Variants in TBC1D4 observed in about 807,000 individuals in gnomAD.
TBC1D4 encodes TBC (Tre-2, BUB2, CDC16) domain-containing protein.
A neutral mutation model predicts 142.5 loss-of-function variants in TBC1D4; 121 were observed. That is an observed-to-expected ratio of 0.85 (90% CI 0.73 to 0.99). The LOEUF (loss-of-function observed/expected upper bound fraction) is 0.99, where lower values mean the gene tolerates loss of function less well. Ranked by LOEUF, TBC1D4 falls within the 50% of genes least tolerant of loss-of-function variation. The probability of loss-of-function intolerance (pLI) is 0.00; values close to 1 mark genes in which losing one functional copy is unlikely to be tolerated. For missense variants in TBC1D4, 1,475 were observed against 1,606.6 expected (o/e 0.92, Z 1.40); for synonymous variants, 630 against 628.2 (o/e 1.00, Z -0.04).
At chr13:75,308,069 G>T (rs1319977121) in intron 14 of TBC1D4, among the ~76,000 whole-genome samples, 1 of 152,140 alleles carries the variant, frequency 6.6e-6, no homozygotes, top group Non-Finnish European at 1.5e-5. Context: ...AGGATAAAAT[G>T]GTGAACAGGG....
chr13:75,363,975 G>T (rs184888898), intron 1 of TBC1D4, among the ~76,000 whole-genome samples: 2 of 152,308 alleles, frequency 1.3e-5, no homozygotes, highest in East Asian at 3.9e-4. Context: ...CAAGGTGGTT[G>T]GGCTACAGCT....
At chr13:75,369,992 AT>A (rs1258684614) in intron 1 of TBC1D4, among the ~76,000 whole-genome samples, 1 of 152,160 alleles carries the variant, frequency 6.6e-6, no homozygotes, top group Non-Finnish European at 1.5e-5. Context: ...GAAGGCAGAA[AT>A]TTGGAAAGAC....
chr13:75,460,845 C>T (rs553240205), intron 1 of TBC1D4, among the ~76,000 whole-genome samples: 3 of 152,142 alleles, frequency 2.0e-5, no homozygotes, highest in Admixed American at 1.3e-4. Flanking sequence ...ATCACTTGAG[C>T]CTGGGAGGTC....
intron 1 of TBC1D4, among the ~76,000 whole-genome samples, chr13:75,400,578 C>G (rs2138347006): frequency 6.6e-6 from 1 of 151,424 alleles, no homozygotes; most frequent in African/African-American, 2.4e-5. Context: ...CTGCCTCAGC[C>G]TCCCAAGTAG....
intron 1 of TBC1D4, among the ~76,000 whole-genome samples, chr13:75,453,056 A>C (rs1887594461): frequency 6.6e-6 from 1 of 152,190 alleles, no homozygotes; most frequent in Non-Finnish European, 1.5e-5. Context: ...AATTATTTTC[A>C]AATGCATTAA....
intron 1 of TBC1D4, among the ~76,000 whole-genome samples, chr13:75,366,099 A>G (rs949542673): frequency 2.0e-5 from 3 of 152,150 alleles, no homozygotes; most frequent in African/African-American, 7.2e-5. Flanking sequence ...GCTACAAATA[A>G]TTCCGCTGCT....
chr13:75,425,069 A>G (rs1886324071), intron 1 of TBC1D4, among the ~76,000 whole-genome samples: 1 of 152,182 alleles, frequency 6.6e-6, no homozygotes, highest in African/African-American at 2.4e-5. Context: ...ACTATGAAAA[A>G]GGAGAAAATA....
Position 75,324,267 on chromosome 13 carries a change from C to T in TBC1D4, c.2168G>A (p.Arg723Lys), listed in dbSNP as rs908312235. ...TTCATTTTCATACTGTGGGGACAGTCTACCTGAATTCTGGTAAAAGCTTTT... is the reference window on the plus strand; with the variant it reads ...TTCATTTTCATACTGTGGGGACAGTTTACCTGAATTCTGGTAAAAGCTTTT... Reference protein sequence around the residue: ...FLKSFYQNSGRLSPQYENEIR... With the variant: ...FLKSFYQNSGKLSPQYENEIR... The change falls in exon 11 of 21, where the codon AGA becomes AAA. Residue 723 changes from arginine (R) to lysine (K), a missense_variant. Arg to Lys is a conservative substitution (Grantham distance 26, BLOSUM62 2). This residue lies in a region of TBC1D4 where 1,227 missense variants were observed against 1,267.7 expected (regional missense o/e 0.97). Coordinates refer to ENST00000377636, the MANE Select transcript of TBC1D4 (RefSeq NM_014832.5). The T allele has an allele frequency of 6.2e-7, 1 of 1,613,794 alleles. No homozygotes were observed. The highest frequency in any genetic ancestry group is 8.5e-7 in the Non-Finnish European group (1 of 1,179,850).
At chr13:75,388,936 T>C (rs910987544) in intron 1 of TBC1D4, among the ~76,000 whole-genome samples, 2 of 152,252 alleles carry the variant, frequency 1.3e-5, no homozygotes, top group Non-Finnish European at 2.9e-5. Flanking sequence ...TATTGGTTTG[T>C]GTAGCCTTGT....
chr13:75,295,754 C>G (rs1304671490), intron 17 of TBC1D4, among the ~76,000 whole-genome samples: 1 of 152,018 alleles, frequency 6.6e-6, no homozygotes, highest in Non-Finnish European at 1.5e-5. Flanking sequence ...ACAGATAAAG[C>G]AGTAGTAAGT....
chr13:75,306,397 A>G lies in TBC1D4; in HGVS notation c.2668T>C (p.Leu890=), dbSNP rs1877190349. 1.9e-6 allele frequency: 3 copies of G among 1,613,568 alleles called. No individual in the cohort carries two copies. The highest frequency in any genetic ancestry group is 2.5e-6 in the Non-Finnish European group (3 of 1,179,908). The change falls in exon 15 of 21, where the codon TTA becomes CTA. Residue 890 remains leucine, a synonymous_variant. Transcript: ENST00000377636. The part of the protein sequence containing the change: ...EEVGACQKEV[L]ITWDKKLLNC... ...AACAACTTCTTATCCCAAGTTATTA[A>G]GACCTCTTTCTGACATGCACCAACT...
At chr13:75,377,406 C>T (rs1406083239) in intron 1 of TBC1D4, 1 of 152,120 alleles carries the variant, frequency 6.6e-6, no homozygotes, top group South Asian at 2.1e-4. Flanking sequence ...AATCTGCTAA[C>T]ACCATGCTTG....
Position 75,447,573 on chromosome 13 carries a change from C to T in TBC1D4, c.498+33697G>A, listed in dbSNP as rs1050150573. Among the ~76,000 whole-genome samples, 5 of 150,458 alleles carry T rather than the reference C, an allele frequency of 3.3e-5. No homozygotes were observed. The East Asian group carries it at 7.8e-4, about 24-fold the overall frequency. ...CCAGTACTGTTTATATATATATATG[C>T]ACACATATACGTATACTTTATATAC... is the stretch of plus-strand genomic sequence containing the variant. On this transcript the variant is annotated intron_variant, in intron 1 of 20. Coordinates refer to ENST00000377636, the MANE Select transcript of TBC1D4 (RefSeq NM_014832.5).
At chr13:75,393,783 T>C (rs1449017509) in intron 1 of TBC1D4, among the ~76,000 whole-genome samples, 1 of 151,918 alleles carries the variant, frequency 6.6e-6, no homozygotes, top group Admixed American at 6.6e-5. Context: ...AATACAAAAT[T>C]ATCCAGGCGT....
Position 75,283,635 on chromosome 13 carries a change from G to T in TBC1D4, c.*3157C>A, listed in dbSNP as rs907503608. Among the ~76,000 whole-genome samples, 2 of 152,102 alleles carry T rather than the reference G, an allele frequency of 1.3e-5. No individual in the cohort carries two copies. The highest frequency in any genetic ancestry group is 6.5e-5 in the Admixed American group (1 of 15,274). Reference sequence around the variant, plus strand: ...TATCTGCGTCCAGTTGGAAAATTTTGTATTTTCTTGTGGCTCTCTCTCCCT... The same window carrying T: ...TATCTGCGTCCAGTTGGAAAATTTTTTATTTTCTTGTGGCTCTCTCTCCCT... On this transcript the variant is annotated 3_prime_UTR_variant, in exon 21 of 21. Coordinates refer to ENST00000377636, the MANE Select transcript of TBC1D4 (RefSeq NM_014832.5).
intron 1 of TBC1D4, among the ~76,000 whole-genome samples, chr13:75,430,763 C>G (rs1405413684): frequency 6.6e-6 from 1 of 152,132 alleles, no homozygotes; most frequent in East Asian, 1.9e-4. Context: ...AAGGCTTTAT[C>G]CTGTGTAATT....
chr13:75,406,935 T>C (rs1885373812), intron 1 of TBC1D4, among the ~76,000 whole-genome samples: 1 of 152,176 alleles, frequency 6.6e-6, no homozygotes, highest in Non-Finnish European at 1.5e-5. Context: ...ATCTGCATCA[T>C]TCTGATCAAC....
At chr13:75,359,146 A>C (rs1184811080) in intron 3 of TBC1D4, among the ~76,000 whole-genome samples, 1 of 152,050 alleles carries the variant, frequency 6.6e-6, no homozygotes, top group African/African-American at 2.4e-5. Flanking sequence ...ACCTCCCTAC[A>C]TTTACATTTA....
chr13:75,320,763 C>T (rs903649287), intron 11 of TBC1D4, among the ~76,000 whole-genome samples: 1 of 151,528 alleles, frequency 6.6e-6, no homozygotes, highest in African/African-American at 2.4e-5. Context: ...GGTGCTCATG[C>T]CTGTAATCCC....
Sources: allele counts gnomAD v4.1 joint callset (sites outside exome capture counted in the v4.1 genomes callset), GRCh38; gene constraint gnomAD v4.1.1; regional missense constraint gnomAD v4.1.1; transcripts MANE v1.5; gene names NCBI Gene and HGNC (gene_info 2026-07-23, HGNC 2026-07-21).